The following PAMR1 variants were observed in gnomAD, a reference collection of about 807,000 sequenced individuals.
PAMR1 encodes the protein peptidase domain containing associated with muscle regeneration 1.
Under a neutral mutation model 81.8 loss-of-function variants are expected in PAMR1, and 88 were observed. That is an observed-to-expected ratio of 1.08 (90% CI 0.91 to 1.28). PAMR1 has a LOEUF of 1.28. Among genes scored for constraint, PAMR1 ranks in the 50% most tolerant of loss-of-function variants. The pLI, the probability that PAMR1 is intolerant of heterozygous loss-of-function variation, is 0.00. For missense variants in PAMR1, 935 were observed against 919.7 expected (o/e 1.02, Z -0.21); for synonymous variants, 336 against 345.3 (o/e 0.97, Z 0.30).
At chr11:35,495,274 A>T (rs1435948242) in intron 1 of PAMR1, among the ~76,000 whole-genome samples, 1 of 152,184 alleles carries the variant, frequency 6.6e-6, no homozygotes, top group Non-Finnish European at 1.5e-5. Flanking sequence ...ACTGTTTTAC[A>T]ATGGTGAACT....
intron 1 of PAMR1, among the ~76,000 whole-genome samples, chr11:35,509,214 A>C (rs1268136099): frequency 6.6e-6 from 1 of 152,214 alleles, no homozygotes; most frequent in African/African-American, 2.4e-5. Context: ...ACAGAAAAGT[A>C]CCCCCGAAAA....
intron 3 of PAMR1, among the ~76,000 whole-genome samples, chr11:35,478,835 C>G (rs1034452405): frequency 6.7e-6 from 1 of 149,612 alleles, no homozygotes; most frequent in Non-Finnish European, 1.5e-5. Context: ...GGTGTGTGGG[C>G]GTGTGTGTGT....
chr11:35,450,697 A>C (rs1856397850), intron 6 of PAMR1, among the ~76,000 whole-genome samples: 2 of 152,240 alleles, frequency 1.3e-5, no homozygotes, highest in Non-Finnish European at 2.9e-5. Context: ...TATAAAATGG[A>C]ATTCGTTGCA....
intron 2 of PAMR1, among the ~76,000 whole-genome samples, chr11:35,493,582 C>T (rs952717429): frequency 1.3e-5 from 2 of 152,140 alleles, no homozygotes; most frequent in Admixed American, 6.5e-5. Context: ...GACTTCTCCT[C>T]CCCATCCGCC....
At chr11:35,478,359 C>T (rs1471174624) in intron 3 of PAMR1, among the ~76,000 whole-genome samples, 1 of 152,162 alleles carries the variant, frequency 6.6e-6, no homozygotes, top group African/African-American at 2.4e-5. Flanking sequence ...CAGGGGCTGT[C>T]CTTCAGAAGC....
intron 4 of PAMR1, among the ~76,000 whole-genome samples, chr11:35,471,752 C>G (rs1422566360): frequency 1.3e-5 from 2 of 152,112 alleles, no homozygotes; most frequent in Non-Finnish European, 2.9e-5. Context: ...TTCCAAGAGA[C>G]AAGAAAAGCA....
At chr11:35,467,082 A>G (rs187085385) in intron 6 of PAMR1, among the ~76,000 whole-genome samples, 30 of 152,094 alleles carry the variant, frequency 2.0e-4, no homozygotes, top group African/African-American at 2.9e-4. Context: ...CCCGCACCCA[A>G]TGACTGATTG....
chr11:35,435,757 A>G, intron 9 of PAMR1, 146 bp downstream of exon 9: 2 of 631,070 alleles, frequency 3.2e-6, no homozygotes, highest in South Asian at 2.0e-5. Context: ...CCAAAGGAAA[A>G]AAAAAGCTCT....
intron 1 of PAMR1, among the ~76,000 whole-genome samples, chr11:35,499,538 T>A (rs754476951): frequency 1.1e-4 from 16 of 152,222 alleles, no homozygotes; most frequent in Admixed American, 2.6e-4. Flanking sequence ...CCACTCCCTG[T>A]TTCCCCCTAA....
intron 3 of PAMR1, among the ~76,000 whole-genome samples, chr11:35,480,162 T>C (rs1023071581): frequency 6.6e-6 from 1 of 152,228 alleles, no homozygotes; most frequent in African/African-American, 2.4e-5. Flanking sequence ...ACTAACTGAA[T>C]GAATAGTTAG....
At chr11:35,435,709 A>AT (rs1262702081) in intron 9 of PAMR1, among the ~76,000 whole-genome samples, 194 bp downstream of exon 9, 1 of 152,174 alleles carries the variant, frequency 6.6e-6, no homozygotes, top group Non-Finnish European at 1.5e-5. Context: ...TGCCTCTAAG[A>AT]TTTAGTGAGT....
chr11:35,498,675 T>C (rs1419485766), intron 1 of PAMR1, among the ~76,000 whole-genome samples: 1 of 152,176 alleles, frequency 6.6e-6, no homozygotes, highest in Non-Finnish European at 1.5e-5. Context: ...TTGAGGCCTA[T>C]GCTCACCCGA....
intron 3 of PAMR1, among the ~76,000 whole-genome samples, chr11:35,491,680 C>T (rs1488463454): frequency 1.3e-5 from 2 of 152,170 alleles, no homozygotes; most frequent in African/African-American, 2.4e-5. Flanking sequence ...AAGAAATTTA[C>T]CAACAGAAAT....
intron 6 of PAMR1, among the ~76,000 whole-genome samples, chr11:35,446,671 CTAATT>C (rs1856299838): frequency 6.6e-6 from 1 of 152,158 alleles, no homozygotes; most frequent in African/African-American, 2.4e-5. Context: ...ATCTTGCATT[CTAATT>C]TAATTGTGCT....
intron 1 of PAMR1, among the ~76,000 whole-genome samples, chr11:35,502,637 C>A (rs1226202352): frequency 6.6e-6 from 1 of 152,172 alleles, no homozygotes; most frequent in Non-Finnish European, 1.5e-5. Flanking sequence ...ATATGTACCA[C>A]ATTTTCTTTG....
At chr11:35,515,467 T>C (rs1480637188) in intron 1 of PAMR1, among the ~76,000 whole-genome samples, 2 of 152,160 alleles carry the variant, frequency 1.3e-5, no homozygotes, top group Non-Finnish European at 2.9e-5. Context: ...TAGTCCTTAT[T>C]ATAGTTACCT....
At chr11:35,526,035 T>TG, upstream of PAMR1, 1 of 179,762 alleles carries the variant, frequency 5.6e-6, no homozygotes, top group Middle Eastern at 2.5e-3. Flanking sequence ...TTGCCCTCTC[T>TG]GACTGCACGC....
At chr11:35,448,921 A>G (rs1856353984) in intron 6 of PAMR1, among the ~76,000 whole-genome samples, 1 of 151,928 alleles carries the variant, frequency 6.6e-6, no homozygotes, top group African/African-American at 2.4e-5. Flanking sequence ...CTGGAGGTCC[A>G]CTCCAGACTC....
chr11:35,474,026 T>C (rs1474563147), intron 4 of PAMR1, among the ~76,000 whole-genome samples: 1 of 152,256 alleles, frequency 6.6e-6, no homozygotes, highest in African/African-American at 2.4e-5. Flanking sequence ...GATGCAGTCA[T>C]GAACGGTTCT....
Sources: gnomAD v4.1 joint callset for allele counts (sites outside exome capture counted in the v4.1 genomes callset) on GRCh38, gnomAD v4.1.1 for gene constraint, MANE v1.5 for transcripts, NCBI Gene and HGNC (gene_info 2026-07-23, HGNC 2026-07-21) for gene names.